ARNT2: variants seen among roughly 807,000 people sequenced by gnomAD.
ARNT2 encodes the protein ARNT protein 2.
In ARNT2, 36 loss-of-function variants were observed where a neutral mutation model predicts 91.7. That is an observed-to-expected ratio of 0.39 (90% CI 0.30 to 0.52). ARNT2 has a LOEUF of 0.52. ARNT2 is among the 20% of genes least tolerant of loss of function. ARNT2 has a pLI of 0.72. For missense variants in ARNT2, 775 were observed against 939.3 expected (o/e 0.83, Z 2.29); for synonymous variants, 365 against 347.1 (o/e 1.05, Z -0.57).
At chr15:80,499,845 A>G (rs970679026) in intron 5 of ARNT2, among the ~76,000 whole-genome samples, 1 of 152,148 alleles carries the variant, frequency 6.6e-6, no homozygotes, top group African/African-American at 2.4e-5. Flanking sequence ...ATAATGAAGG[A>G]TTAGTATGAG....
At chr15:80,459,293 G>C (rs947154880) in intron 3 of ARNT2, among the ~76,000 whole-genome samples, 1 of 152,206 alleles carries the variant, frequency 6.6e-6, no homozygotes, top group African/African-American at 2.4e-5. Context: ...AATAACAAAA[G>C]CATGTATTGT....
In ARNT2 at chr15:80,597,043, G is replaced by A. The variant is rs1893385035; in HGVS notation, c.*3345G>A. 1 of 452,970 alleles carries A rather than the reference G, an allele frequency of 2.2e-6. No homozygotes were observed. Among genetic ancestry groups the A allele is most frequent in the Admixed American group, 2.3e-5 (1 of 42,848 alleles). 28.1% of individuals were successfully genotyped at this position (452,970 alleles called of 1,614,324 possible). Reference sequence around the variant, plus strand: ...TGTTATTTCATGAGACGTGAATGTTGCAGAGAGTGGGGGGATTCTGGTTGT... The same window carrying A: ...TGTTATTTCATGAGACGTGAATGTTACAGAGAGTGGGGGGATTCTGGTTGT... On this transcript the variant is annotated 3_prime_UTR_variant, in exon 19 of 19. Coordinates refer to ENST00000303329, the MANE Select transcript of ARNT2 (RefSeq NM_014862.4).
chr15:80,472,104 G>A (rs563944884), intron 4 of ARNT2, among the ~76,000 whole-genome samples: 4 of 18,304 alleles, frequency 2.2e-4, no homozygotes, highest in Admixed American at 9.1e-4. Context: ...GTGTATAGCC[G>A]GTGGGGGGGC....
intron 8 of ARNT2, among the ~76,000 whole-genome samples, chr15:80,536,803 G>T (rs925358746): frequency 6.6e-6 from 1 of 152,132 alleles, no homozygotes; most frequent in African/African-American, 2.4e-5. Flanking sequence ...GGCCTTTGGG[G>T]CATCTGTCAC....
In ARNT2 at chr15:80,581,259, C is replaced by G; in HGVS notation, c.1773C>G (p.Ser591Arg). 2 of 1,614,174 alleles carry G rather than the reference C, an allele frequency of 1.2e-6. No homozygotes were observed. Among genetic ancestry groups the G allele is most frequent in the Non-Finnish European group, 1.7e-6 (2 of 1,180,016 alleles). ...FPGQQIPSQSSKTQSSPFGIG... is the reference protein window; with the variant it reads ...FPGQQIPSQSRKTQSSPFGIG... The stretch of plus-strand genomic sequence containing the variant: ...TGTAGCAAATCCCATCTCAGTCCAG[C>G]AAGACTCAGTCATCTCCCTTTGGGA... Residue 591 changes from serine to arginine, a missense_variant, in exon 17 of 19, where the codon AGC becomes AGG. Around this residue, in one of 5 missense-constraint regions of ARNT2, gnomAD observed 325 missense variants for 359.9 expected, o/e 0.90. Coordinates refer to ENST00000303329, the MANE Select transcript of ARNT2 (RefSeq NM_014862.4).
intron 1 of ARNT2, among the ~76,000 whole-genome samples, chr15:80,424,347 T>C (rs1363736558): frequency 6.6e-6 from 1 of 152,220 alleles, no homozygotes; most frequent in East Asian, 1.9e-4. Flanking sequence ...GTGTCACAGG[T>C]TTCAGACTTC....
chr15:80,540,275 AGT>A (rs1340845780), intron 8 of ARNT2, among the ~76,000 whole-genome samples: 1 of 152,174 alleles, frequency 6.6e-6, no homozygotes, highest in Non-Finnish European at 1.5e-5. Context: ...TTCCACCAGC[AGT>A]GTGTGAGTGT....
At chr15:80,534,987 G>C (rs1234486814) in intron 8 of ARNT2, among the ~76,000 whole-genome samples, 3 of 152,100 alleles carry the variant, frequency 2.0e-5, no homozygotes, top group Non-Finnish European at 4.4e-5. Context: ...TTTATTCAGA[G>C]ACCCAACAAA....
At chr15:80,489,862 G>A (rs1279192206) in intron 5 of ARNT2, among the ~76,000 whole-genome samples, 2 of 152,166 alleles carry the variant, frequency 1.3e-5, no homozygotes, top group Non-Finnish European at 2.9e-5. Context: ...TTGAGTCTTC[G>A]TTTCCCCGCT....
chr15:80,410,624 C>T (rs1050901569), intron 1 of ARNT2, among the ~76,000 whole-genome samples: 4 of 152,132 alleles, frequency 2.6e-5, no homozygotes, highest in South Asian at 2.1e-4. Context: ...AGCTTTTGGT[C>T]CAAGTACCAT....
chr15:80,425,512 A>T (rs572176189), intron 1 of ARNT2, among the ~76,000 whole-genome samples: 2 of 152,220 alleles, frequency 1.3e-5, no homozygotes, highest in African/African-American at 4.8e-5. Context: ...GAGGTTAAAG[A>T]TAGAAATATC....
intron 1 of ARNT2, among the ~76,000 whole-genome samples, chr15:80,446,196 G>A (rs538504859): frequency 6.6e-6 from 1 of 152,190 alleles, no homozygotes; most frequent in South Asian, 2.1e-4. Flanking sequence ...AAGATCACAC[G>A]TACATACAGG....
intron 1 of ARNT2, among the ~76,000 whole-genome samples, chr15:80,412,766 A>C (rs563159375): frequency 2.0e-5 from 3 of 152,174 alleles, no homozygotes; most frequent in Non-Finnish European, 2.9e-5. Flanking sequence ...TGAATACATG[A>C]TTTTTTCCTT....
At chr15:80,511,070 T>C (rs570939140) in intron 6 of ARNT2, among the ~76,000 whole-genome samples, 39 of 152,260 alleles carry the variant, frequency 2.6e-4, no homozygotes, top group African/African-American at 8.2e-4. Context: ...TAAAGACATA[T>C]GCATGCATAT....
intron 3 of ARNT2, among the ~76,000 whole-genome samples, chr15:80,463,332 G>A (rs1896588965): frequency 6.6e-6 from 1 of 152,036 alleles, no homozygotes; most frequent in Non-Finnish European, 1.5e-5. Flanking sequence ...CAGAGCAAAC[G>A]CCAAGAGGAG....
chr15:80,589,055 T>C lies in ARNT2; in HGVS notation c.1919-2513T>C, dbSNP rs562959815. 7.9e-5 allele frequency among the ~76,000 whole-genome samples: 12 copies of C among 152,314 alleles called. 1 individual carries two copies. The South Asian group carries it at 2.5e-3, about 32-fold the overall frequency. On this transcript the variant is annotated intron_variant, in intron 17 of 18. Transcript: ENST00000303329. ...GAAGAGGTTATTTCCTTCTTGTTTG[T>C]TGACGAGAAGGAAGGCCTGACTCAG... is the stretch of plus-strand genomic sequence containing the variant.
At position 80,450,956 on chromosome 15, in the gene ARNT2, G is replaced by A. The variant is rs762678815; in HGVS notation, c.108G>A (p.Ala36=). ...PMAATGQVRM[A]GAMPARGGKR... is the part of the protein sequence containing the mutation. ...CGGCCACCGGACAGGTGAGGATGGC[G>A]GGGGCCATGCCTGCCCGTGGAGGAA... The change falls in exon 2 of 19, where the codon GCG becomes GCA. Residue 36 remains alanine (A), a synonymous_variant. Coordinates refer to ENST00000303329, the MANE Select transcript of ARNT2 (RefSeq NM_014862.4). 22 of 1,613,964 alleles carry A rather than the reference G, an allele frequency of 1.4e-5. No individual in the cohort carries two copies. The highest frequency in any genetic ancestry group is 5.0e-5 in the Admixed American group (3 of 60,012).
chr15:80,551,082 C>T (rs1020512427), intron 8 of ARNT2, 117 bp from the exon 9 acceptor site: 1 of 942,868 alleles, frequency 1.1e-6, no homozygotes, highest in Admixed American at 2.0e-5. Context: ...GGCTTCCCAG[C>T]CCTGCATGGC....
chr15:80,548,300 G>A (rs760247410), intron 8 of ARNT2, among the ~76,000 whole-genome samples: 1 of 152,144 alleles, frequency 6.6e-6, no homozygotes, highest in Non-Finnish European at 1.5e-5. Context: ...ATGTGTGTGC[G>A]TGCATGTTAT....
Sources: gnomAD v4.1 joint callset for allele counts (sites outside exome capture counted in the v4.1 genomes callset) on GRCh38, gnomAD v4.1.1 for gene constraint, gnomAD v4.1.1 regional missense constraint, MANE v1.5 for transcripts, NCBI Gene and HGNC (gene_info 2026-07-23, HGNC 2026-07-21) for gene names.